CDH12: variants seen among roughly 807,000 people sequenced by gnomAD.
CDH12 encodes cadherin 12.
In CDH12, 41 loss-of-function variants were observed where a neutral mutation model predicts 74.1. That is an observed-to-expected ratio of 0.55 (90% CI 0.43 to 0.72). The LOEUF is 0.72. Ranked by LOEUF, CDH12 falls within the 30% of genes least tolerant of loss-of-function variation. CDH12 has a pLI of 0.00. For missense variants in CDH12, 945 were observed against 977.2 expected (o/e 0.97, Z 0.44); for synonymous variants, 399 against 355.0 (o/e 1.12, Z -1.39).
At chr5:22,668,370 C>G (rs1740728176) in intron 1 of CDH12, among the ~76,000 whole-genome samples, 1 of 152,130 alleles carries the variant, frequency 6.6e-6, no homozygotes, top group Non-Finnish European at 1.5e-5. Flanking sequence ...ATTACTTTCT[C>G]TTTTTTTAAA....
intron 3 of CDH12, among the ~76,000 whole-genome samples, chr5:22,402,907 A>T (rs897052506): frequency 1.3e-5 from 2 of 152,198 alleles, no homozygotes; most frequent in Non-Finnish European, 2.9e-5. Context: ...TGAAAATGTT[A>T]TATAAGCATA....
chr5:21,865,570 T>C (rs1009323792), intron 6 of CDH12, among the ~76,000 whole-genome samples: 3 of 152,102 alleles, frequency 2.0e-5, no homozygotes, highest in Non-Finnish European at 4.4e-5. Flanking sequence ...GGGACTCTGC[T>C]TCCCACATTC....
At position 22,078,845 on chromosome 5, in the gene CDH12, T is replaced by C; in HGVS notation, c.-169A>G. The C allele has an allele frequency of 1.4e-6, 2 of 1,399,644 alleles. No homozygotes were observed. The highest frequency in any genetic ancestry group is 1.9e-6 in the Non-Finnish European group (2 of 1,079,716). The allele number at this position is 1,399,644 out of a possible 1,614,324, so 86.7% of individuals were successfully genotyped here. A position where few individuals can be genotyped will look rare whatever the true frequency, so the allele number is the denominator to read the frequency against. ...TGATGAAAAGGCTTCTGCTGTATTA[T>C]ATTCCATCTAAAGGGGCCTATGAAA... On this transcript the variant is annotated 5_prime_UTR_variant, in exon 5 of 15. In the 5' UTR this introduces an upstream ATG that the reference lacks. Transcript: ENST00000382254.
At chr5:22,091,803 G>C (rs1743449208) in intron 4 of CDH12, among the ~76,000 whole-genome samples, 1 of 151,766 alleles carries the variant, frequency 6.6e-6, no homozygotes, top group Non-Finnish European at 1.5e-5. Flanking sequence ...CACTTTTAAA[G>C]CTCAAAACAC....
intron 3 of CDH12, among the ~76,000 whole-genome samples, chr5:22,368,360 A>T (rs1171908868): frequency 6.6e-6 from 1 of 152,014 alleles, no homozygotes; most frequent in African/African-American, 2.4e-5. Context: ...GTGCAGTGAT[A>T]CAATCGAAGC....
At position 22,539,178 on chromosome 5, in the gene CDH12, C is replaced by A. The variant is rs77562280; in HGVS notation, c.-522-33814G>T. The stretch of plus-strand genomic sequence containing the variant: ...AATAATGCATATGTGTGTTGATATT[C>A]TGTGTAATAAAAAAGTGTCTGCAAA... On this transcript the variant is annotated intron_variant, in intron 1 of 14. Coordinates refer to ENST00000382254, the MANE Select transcript of CDH12 (RefSeq NM_004061.5). 5.6e-3 allele frequency among the ~76,000 whole-genome samples: 859 copies of A among 152,236 alleles called. 4 individuals carry two copies. The highest frequency in any genetic ancestry group is 0.02 in the African/African-American group (828 of 41,528).
intron 2 of CDH12, among the ~76,000 whole-genome samples, chr5:22,423,866 G>A (rs771112462): frequency 3.4e-4 from 51 of 151,822 alleles, no homozygotes; most frequent in Middle Eastern, 3.4e-3. Context: ...AGCCGGGCGT[G>A]TTGGCGGGCG....
chr5:22,799,607 G>A (rs560146115), intron 1 of CDH12, among the ~76,000 whole-genome samples: 2 of 152,190 alleles, frequency 1.3e-5, no homozygotes, highest in African/African-American at 2.4e-5. Context: ...AAAAATACGT[G>A]TGCTCTTTAA....
At chr5:22,135,160 C>A (rs1453076487) in intron 4 of CDH12, among the ~76,000 whole-genome samples, 1 of 144,436 alleles carries the variant, frequency 6.9e-6, no homozygotes. Context: ...TGCTGTGAGA[C>A]TGTTTAACGA....
At chr5:22,683,198 G>A (rs1446647443) in intron 1 of CDH12, among the ~76,000 whole-genome samples, 6 of 152,140 alleles carry the variant, frequency 3.9e-5, no homozygotes, top group African/African-American at 1.4e-4. Context: ...GCTCCAGCAG[G>A]GAGTCACAGC....
intron 6 of CDH12, among the ~76,000 whole-genome samples, chr5:21,964,916 A>C (rs186686944): frequency 1.8e-3 from 280 of 152,064 alleles, no homozygotes; most frequent in African/African-American, 6.5e-3. Flanking sequence ...TAGGTAGTAA[A>C]ATTTACATGA....
At chr5:21,835,570 T>C (rs1417671083) in intron 8 of CDH12, among the ~76,000 whole-genome samples, 3 of 151,918 alleles carry the variant, frequency 2.0e-5, no homozygotes, top group Non-Finnish European at 4.4e-5. Flanking sequence ...ACTTATTATA[T>C]GGTTTTATCA....
At chr5:22,555,687 A>T (rs1242455655) in intron 1 of CDH12, among the ~76,000 whole-genome samples, 3 of 151,984 alleles carry the variant, frequency 2.0e-5, no homozygotes, top group African/African-American at 7.2e-5. Flanking sequence ...ATTATAGTAG[A>T]TGTGTGCTTT....
At chr5:22,788,678 TATAAC>T (rs1747765199) in intron 1 of CDH12, among the ~76,000 whole-genome samples, 1 of 148,444 alleles carries the variant, frequency 6.7e-6, no homozygotes, top group South Asian at 2.1e-4. Flanking sequence ...TAAAATATGA[TATAAC>T]ATTTAATTAT....
intron 1 of CDH12, chr5:22,580,324 G>C (rs1740019105): frequency 2.3e-6 from 1 of 436,798 alleles, no homozygotes; most frequent in Non-Finnish European, 4.7e-6. Context: ...AACAAGTGGT[G>C]CTTGCACAGC....
intron 1 of CDH12, among the ~76,000 whole-genome samples, chr5:22,606,560 T>G (rs1737128680): frequency 1.3e-5 from 2 of 152,298 alleles, no homozygotes; most frequent in South Asian, 2.1e-4. Context: ...ACACTCATTC[T>G]CTCTCCTGCA....
intron 1 of CDH12, among the ~76,000 whole-genome samples, chr5:22,737,278 A>T (rs1426333305): frequency 6.6e-6 from 1 of 151,934 alleles, no homozygotes; most frequent in Non-Finnish European, 1.5e-5. Flanking sequence ...ACATCATAAA[A>T]TGAATAATAT....
chr5:22,555,313 A>C (rs1372475987), intron 1 of CDH12, among the ~76,000 whole-genome samples: 1 of 152,076 alleles, frequency 6.6e-6, no homozygotes, highest in Non-Finnish European at 1.5e-5. Context: ...AAATAATCAA[A>C]GATAAATAAA....
intron 6 of CDH12, among the ~76,000 whole-genome samples, chr5:21,950,085 T>G (rs558426391): frequency 5.4e-4 from 82 of 152,342 alleles, no homozygotes; most frequent in Admixed American, 2.4e-3. Context: ...GATTTTTTAC[T>G]GTACCTTTTT....
Sources: gnomAD v4.1 joint callset for allele counts (sites outside exome capture counted in the v4.1 genomes callset) on GRCh38, gnomAD v4.1.1 for gene constraint, MANE v1.5 for transcripts, NCBI Gene and HGNC (gene_info 2026-07-23, HGNC 2026-07-21) for gene names.